The following METTL24 variants were observed in gnomAD, a reference collection of about 807,000 sequenced individuals.
The protein encoded by METTL24 is methyltransferase like 24.
A neutral mutation model predicts 32.7 loss-of-function variants in METTL24; 29 were observed. The observed-to-expected ratio is 0.89, with a 90% CI of 0.66 to 1.21. The LOEUF is 1.21. METTL24 is among the 50% of genes most tolerant of loss of function. The probability of loss-of-function intolerance (pLI) is 0.00; values close to 1 mark genes in which losing one functional copy is unlikely to be tolerated. For missense variants in METTL24, 439 were observed against 468.1 expected (o/e 0.94, Z 0.57); for synonymous variants, 163 against 179.5 (o/e 0.91, Z 0.73).
rs575959067 is a variant in METTL24 at position 110,342,839 on chromosome 6, A to G, written c.318+15116T>C. Among the ~76,000 whole-genome samples, 12 of 152,320 alleles carry G rather than the reference A, an allele frequency of 7.9e-5. No individual in the cohort carries two copies. The South Asian group carries it at 2.3e-3, about 29-fold the overall frequency. ...CCTTTTGTGATTGCTTTTACTTAGC[A>G]TTAGGTTTCAAGGTCCATCCATGTT... On this transcript the variant is annotated intron_variant, in intron 1 of 4. Coordinates refer to ENST00000338882, the MANE Select transcript of METTL24 (RefSeq NM_001123364.3).
chr6:110,316,676 G>A (rs897044754), intron 2 of METTL24, among the ~76,000 whole-genome samples: 4 of 152,160 alleles, frequency 2.6e-5, no homozygotes, highest in Non-Finnish European at 5.9e-5. Context: ...CAGGAGGATC[G>A]CTTGAGCCCA....
intron 4 of METTL24, among the ~76,000 whole-genome samples, chr6:110,294,238 G>T (rs1771371634): frequency 1.3e-5 from 2 of 151,680 alleles, no homozygotes; most frequent in African/African-American, 4.8e-5. Context: ...ATATGTGACG[G>T]TTCATTATAT....
At chr6:110,268,790 T>C (rs1027635894) in intron 4 of METTL24, among the ~76,000 whole-genome samples, 1 of 152,118 alleles carries the variant, frequency 6.6e-6, no homozygotes, top group Non-Finnish European at 1.5e-5. Context: ...CAAATTAATA[T>C]AATCACATAA....
chr6:110,357,874 G>A (rs148043824), intron 1 of METTL24, 81 bp downstream of exon 1: 285 of 792,128 alleles, frequency 3.6e-4, no homozygotes, highest in Middle Eastern at 5.2e-4. Flanking sequence ...GCGGCCTGCG[G>A]GACCTGAGCG....
intron 4 of METTL24, among the ~76,000 whole-genome samples, chr6:110,251,251 T>C (rs1778272747): frequency 1.3e-5 from 2 of 152,248 alleles, no homozygotes; most frequent in South Asian, 2.1e-4. Context: ...AATATTACTT[T>C]ATCTAAATCC....
intron 4 of METTL24, among the ~76,000 whole-genome samples, chr6:110,250,343 A>G (rs1317978844): frequency 2.0e-5 from 3 of 151,764 alleles, no homozygotes; most frequent in Non-Finnish European, 2.9e-5. Context: ...CTCTGCCTTC[A>G]TCTTCACATG....
At chr6:110,312,171 A>G (rs1458971527) in intron 3 of METTL24, among the ~76,000 whole-genome samples, 1 of 152,230 alleles carries the variant, frequency 6.6e-6, no homozygotes, top group South Asian at 2.1e-4. Context: ...TCCCAGTTAG[A>G]ATGGCTATTA....
chr6:110,272,134 C>T (rs918411554), intron 4 of METTL24, among the ~76,000 whole-genome samples: 3 of 152,078 alleles, frequency 2.0e-5, no homozygotes, highest in Non-Finnish European at 2.9e-5. Context: ...CCCATTCCCC[C>T]GTCCACAAGT....
chr6:110,335,563 A>ATTTTTTTTTTTTTTTTTTTTTTTTTTT (rs1562241070), intron 1 of METTL24, among the ~76,000 whole-genome samples: 2 of 113,634 alleles, frequency 1.8e-5, no homozygotes, highest in African/African-American at 3.6e-5. Flanking sequence ...GTAGGGAATC[A>ATTTTTTTTTTTTTTTTTTTTTTTTTTT]TTGTTTTTTT....
chr6:110,347,653 C>T (rs1772503504), intron 1 of METTL24, among the ~76,000 whole-genome samples: 1 of 152,172 alleles, frequency 6.6e-6, no homozygotes, highest in African/African-American at 2.4e-5. Context: ...GTAAGTGACC[C>T]AGTTAATAGG....
chr6:110,253,845 C>T, intron 4 of METTL24: 1 of 1,392,130 alleles, frequency 7.2e-7, no homozygotes, highest in South Asian at 1.7e-5. Context: ...AATATATTTC[C>T]ATGTCAATAA....
intron 2 of METTL24, among the ~76,000 whole-genome samples, chr6:110,317,671 C>T (rs1265349162): frequency 6.6e-6 from 1 of 152,074 alleles, no homozygotes; most frequent in Admixed American, 6.6e-5. Flanking sequence ...TCTCCCTAAA[C>T]ACCTCCATAA....
chr6:110,349,020 T>C (rs1422268768), intron 1 of METTL24, among the ~76,000 whole-genome samples: 1 of 152,200 alleles, frequency 6.6e-6, no homozygotes. Context: ...CTCGGTCCCC[T>C]GAAAAGAGGC....
intron 1 of METTL24, among the ~76,000 whole-genome samples, chr6:110,353,408 T>C (rs1300811406): frequency 7.2e-6 from 1 of 138,196 alleles, no homozygotes; most frequent in Non-Finnish European, 1.7e-5. Flanking sequence ...CAGTTGGACA[T>C]ATCAGGGGGC....
At chr6:110,302,228 A>G (rs961524909) in intron 3 of METTL24, among the ~76,000 whole-genome samples, 1 of 151,890 alleles carries the variant, frequency 6.6e-6, no homozygotes, top group Non-Finnish European at 1.5e-5. Context: ...CAGTGAGCCG[A>G]GATCGTGCCA....
intron 3 of METTL24, among the ~76,000 whole-genome samples, chr6:110,301,015 A>C (rs1227511816): frequency 6.6e-6 from 1 of 152,154 alleles, no homozygotes; most frequent in Non-Finnish European, 1.5e-5. Context: ...TGGTCTTTGC[A>C]GTGGTCCTGC....
chr6:110,275,502 C>G (rs1178926159), intron 4 of METTL24, among the ~76,000 whole-genome samples: 1 of 152,086 alleles, frequency 6.6e-6, no homozygotes, highest in East Asian at 1.9e-4. Context: ...CCTCTATGCC[C>G]CCTCCTTAAC....
chr6:110,253,467 CT>C (rs151010266), intron 4 of METTL24, among the ~76,000 whole-genome samples: 3 of 152,110 alleles, frequency 2.0e-5, no homozygotes, highest in African/African-American at 7.2e-5. Flanking sequence ...TCATGAAAAT[CT>C]TTTTTTAAAA....
chr6:110,319,464 A>ATAGATGG (rs1562236286), intron 2 of METTL24, among the ~76,000 whole-genome samples: 121 of 118,558 alleles, frequency 1.0e-3, no homozygotes, highest in African/African-American at 3.7e-3. Flanking sequence ...TAGATAGATG[A>ATAGATGG]CAGACAGAAA....
Sources: allele counts gnomAD v4.1 joint callset (sites outside exome capture counted in the v4.1 genomes callset), GRCh38; gene constraint gnomAD v4.1.1; transcripts MANE v1.5; gene names NCBI Gene and HGNC (gene_info 2026-07-23, HGNC 2026-07-21).